CATSPERT: variants seen among roughly 807,000 people sequenced by gnomAD.
CATSPERT encodes the protein cation channel sperm-associated targeting subunit tau.
the CATSPERT span, among the ~76,000 whole-genome samples, chr2:201,579,077 C>A: frequency 6.6e-6 from 1 of 152,022 alleles, no homozygotes; most frequent in African/African-American, 2.4e-5. Context: ...ACTCTTCACT[C>A]CCAATGTTTA....
the CATSPERT span, chr2:201,550,931 A>G: frequency 3.3e-5 from 5 of 152,096 alleles, no homozygotes; most frequent in Non-Finnish European, 5.9e-5. Flanking sequence ...TTATCCCTCT[A>G]CTAGTAATTA....
the CATSPERT span, chr2:201,551,070 G>A: frequency 6.6e-6 from 1 of 152,216 alleles, no homozygotes; most frequent in Non-Finnish European, 1.5e-5. Context: ...ACATGAGCTT[G>A]AACTGTGCAC....
At chr2:201,581,932 C>T in the CATSPERT span, among the ~76,000 whole-genome samples, 8 of 152,020 alleles carry the variant, frequency 5.3e-5, no homozygotes, top group South Asian at 1.7e-3. Flanking sequence ...TAAGCCAACT[C>T]TTTTAAAAAA....
the CATSPERT span, among the ~76,000 whole-genome samples, chr2:201,606,856 G>A: frequency 1.4e-5 from 2 of 147,982 alleles, no homozygotes; most frequent in African/African-American, 2.5e-5. Context: ...CCAAGATCGC[G>A]CCACCGCACT....
the CATSPERT span, among the ~76,000 whole-genome samples, chr2:201,510,971 AAG>A: frequency 2.0e-5 from 3 of 152,256 alleles, no homozygotes; most frequent in Non-Finnish European, 4.4e-5. Flanking sequence ...TTTCACATGT[AAG>A]TAAGCAAACA....
the CATSPERT span, among the ~76,000 whole-genome samples, chr2:201,584,884 A>G: frequency 6.6e-6 from 1 of 152,186 alleles, no homozygotes; most frequent in African/African-American, 2.4e-5. Flanking sequence ...TCCCAACATA[A>G]TATACAGAAA....
the CATSPERT span, among the ~76,000 whole-genome samples, chr2:201,528,393 C>A: frequency 6.6e-6 from 1 of 152,152 alleles, no homozygotes; most frequent in Admixed American, 6.5e-5. Context: ...CCACTTGACC[C>A]AGCAATCCCA....
At chr2:201,595,926 C>A in the CATSPERT span, among the ~76,000 whole-genome samples, 7 of 146,422 alleles carry the variant, frequency 4.8e-5, no homozygotes, top group East Asian at 2.0e-4. Flanking sequence ...AAAAAAAAAA[C>A]AGATGCTGAC....
the CATSPERT span, among the ~76,000 whole-genome samples, chr2:201,613,663 A>G: frequency 6.6e-6 from 1 of 152,236 alleles, no homozygotes; most frequent in East Asian, 1.9e-4. Context: ...ACAAAGGAAC[A>G]CAGCTCCTCG....
the CATSPERT span, among the ~76,000 whole-genome samples, chr2:201,615,422 A>G: frequency 2.0e-5 from 3 of 152,234 alleles, no homozygotes; most frequent in Non-Finnish European, 4.4e-5. Flanking sequence ...CTGCTCAACT[A>G]CATGGAAACT....
chr2:201,575,210 G>A, the CATSPERT span: 3 of 1,267,646 alleles, frequency 2.4e-6, no homozygotes, highest in South Asian at 1.7e-5. Flanking sequence ...TAATATCAGA[G>A]TAAAGTTACA....
the CATSPERT span, chr2:201,492,953 TCAAAATAG>T: frequency 1.3e-6 from 2 of 1,536,362 alleles, no homozygotes; most frequent in African/African-American, 2.7e-5. Flanking sequence ...AACTTTGGAC[TCAAAATAG>T]GTTTTCTGTC....
chr2:201,607,815 T>C, the CATSPERT span, among the ~76,000 whole-genome samples: 1 of 152,196 alleles, frequency 6.6e-6, no homozygotes, highest in East Asian at 1.9e-4. Flanking sequence ...TATTTGGAGA[T>C]AGGATTTTAA....
chr2:201,499,607 G>A, the CATSPERT span, among the ~76,000 whole-genome samples: 7 of 152,082 alleles, frequency 4.6e-5, no homozygotes, highest in Non-Finnish European at 8.8e-5. Flanking sequence ...GCTGAGGCAG[G>A]TGGCTCACTT....
At chr2:201,547,734 C>T in the CATSPERT span, 1 of 523,336 alleles carries the variant, frequency 1.9e-6, no homozygotes, top group Non-Finnish European at 3.3e-6. Context: ...GACAAACCAA[C>T]AATATATTGT....
chr2:201,589,282 G>A, the CATSPERT span, among the ~76,000 whole-genome samples: 1 of 152,164 alleles, frequency 6.6e-6, no homozygotes, highest in African/African-American at 2.4e-5. Context: ...AACCAAAAAA[G>A]AGCCCAAATA....
the CATSPERT span, among the ~76,000 whole-genome samples, chr2:201,600,964 G>A: frequency 6.6e-6 from 1 of 152,068 alleles, no homozygotes; most frequent in African/African-American, 2.4e-5. Flanking sequence ...TGGTCAGGCT[G>A]GTCTCAAACT....
chr2:201,563,229 T>C, the CATSPERT span, among the ~76,000 whole-genome samples: 38 of 108,984 alleles, frequency 3.5e-4, no homozygotes, highest in East Asian at 5.8e-4. Context: ...GGCGGCTGGC[T>C]GGGCAGAGGG....
the CATSPERT span, among the ~76,000 whole-genome samples, chr2:201,611,597 AAAT>A: frequency 6.6e-6 from 1 of 152,320 alleles, no homozygotes; most frequent in East Asian, 1.9e-4. Flanking sequence ...CAGAAGAAAA[AAAT>A]AATAAAGATT....
Sources: allele counts gnomAD v4.1 joint callset (sites outside exome capture counted in the v4.1 genomes callset), GRCh38; gene constraint gnomAD v4.1.1; transcripts MANE v1.5; gene names NCBI Gene and HGNC (gene_info 2026-07-23, HGNC 2026-07-21).